Variants in NKAIN2 observed in about 807,000 individuals in gnomAD.
NKAIN2 encodes the protein sodium/potassium transporting ATPase interacting 2.
Under a neutral mutation model 32.6 loss-of-function variants are expected in NKAIN2, and 14 were observed. The ratio of observed to expected loss-of-function variants is 0.43; its 90% CI spans 0.28 to 0.67. The LOEUF is 0.67. NKAIN2 is among the 30% of genes least tolerant of loss of function. NKAIN2 has a pLI of 0.17. For missense variants in NKAIN2, 198 were observed against 258.3 expected (o/e 0.77, Z 1.60); for synonymous variants, 80 against 87.2 (o/e 0.92, Z 0.46).
intron 3 of NKAIN2, among the ~76,000 whole-genome samples, chr6:124,400,802 C>T (rs1773592684): frequency 6.6e-6 from 1 of 152,174 alleles, no homozygotes; most frequent in Non-Finnish European, 1.5e-5. Context: ...AAATGGAAGA[C>T]AGGTGGCATC....
chr6:124,313,790 C>G (rs1201895607), intron 2 of NKAIN2, among the ~76,000 whole-genome samples: 1 of 152,094 alleles, frequency 6.6e-6, no homozygotes, highest in African/African-American at 2.4e-5. Flanking sequence ...TTTCAATAGC[C>G]TCATGATGGC....
Position 124,374,802 on chromosome 6 carries a change from A to G in NKAIN2, c.273+19455A>G, listed in dbSNP as rs556665460. 5.9e-5 allele frequency among the ~76,000 whole-genome samples: 9 copies of G among 152,214 alleles called. No individual in the cohort carries two copies. In the South Asian group the frequency reaches 1.9e-3, roughly 32 times the overall value. On this transcript the variant is annotated intron_variant, in intron 3 of 6. Transcript: ENST00000368417. ...CCAACAGTAAGAGAATAGTTATAAT[A>G]TATCCCTAGGTGGTTTATTTTACGG...
Position 124,057,373 on chromosome 6 carries a change from C to T in NKAIN2, c.55-225632C>T, listed in dbSNP as rs1324330437. On this transcript the variant is annotated intron_variant, in intron 1 of 6. Coordinates refer to ENST00000368417, the MANE Select transcript of NKAIN2 (RefSeq NM_001040214.3). ...ATTGGTTGAATGCACAACTTAAATC[C>T]GCAGCTTCAATTTGATTAAGAATTT... 5.3e-5 allele frequency among the ~76,000 whole-genome samples: 8 copies of T among 152,110 alleles called. No homozygotes were observed. The East Asian group carries it at 9.7e-4, about 18-fold the overall frequency.
chr6:123,871,387 GGA>G (rs1193180702), intron 1 of NKAIN2, among the ~76,000 whole-genome samples: 2 of 152,034 alleles, frequency 1.3e-5, no homozygotes, highest in Non-Finnish European at 1.5e-5. Context: ...GCTGCTTCTT[GGA>G]GATGCCTTGC....
intron 1 of NKAIN2, among the ~76,000 whole-genome samples, chr6:124,215,559 A>G (rs1193211335): frequency 1.3e-5 from 2 of 152,190 alleles, no homozygotes; most frequent in East Asian, 3.8e-4. Flanking sequence ...ATGTGACTGG[A>G]ATAGCATTTG....
chr6:124,294,828 C>T (rs1795979831), intron 2 of NKAIN2, among the ~76,000 whole-genome samples: 2 of 152,128 alleles, frequency 1.3e-5, no homozygotes, highest in South Asian at 4.1e-4. Flanking sequence ...ATGTTATCTA[C>T]ACCCCACAGC....
chr6:124,538,159 C>A (rs1254796937), intron 3 of NKAIN2, among the ~76,000 whole-genome samples: 1 of 151,534 alleles, frequency 6.6e-6, no homozygotes, highest in Non-Finnish European at 1.5e-5. Flanking sequence ...TTTGTATGTT[C>A]CTTCTTTTTG....
intron 2 of NKAIN2, among the ~76,000 whole-genome samples, chr6:124,351,374 G>A (rs79695844): frequency 0.064 from 9,753 of 151,872 alleles, 322 homozygotes; most frequent in Admixed American, 0.074. Flanking sequence ...GCATGGTGAT[G>A]CATGCCTGTA....
chr6:123,866,343 CCTT>C (rs1772510982), intron 1 of NKAIN2, among the ~76,000 whole-genome samples: 1 of 152,202 alleles, frequency 6.6e-6, no homozygotes, highest in African/African-American at 2.4e-5. Context: ...AAGTCCCACA[CCTT>C]CTTCAACCTA....
At chr6:124,129,680 C>T (rs903668985) in intron 1 of NKAIN2, among the ~76,000 whole-genome samples, 5 of 152,072 alleles carry the variant, frequency 3.3e-5, no homozygotes, top group Admixed American at 2.6e-4. Flanking sequence ...TGCAATGGCG[C>T]AATCTCAGTT....
At chr6:124,536,521 C>CTTCCCTTGCCTGAATTACTTAAGTAA (rs931305567) in intron 3 of NKAIN2, among the ~76,000 whole-genome samples, 10 of 152,248 alleles carry the variant, frequency 6.6e-5, no homozygotes, top group South Asian at 6.2e-4. Context: ...GGGCAATCCC[C>CTTCCCTTGCCTGAATTACTTAAGTAA]TTCCCTTGCC....
At chr6:124,343,528 T>C (rs539296405) in intron 2 of NKAIN2, among the ~76,000 whole-genome samples, 41 of 152,176 alleles carry the variant, frequency 2.7e-4, no homozygotes, top group African/African-American at 8.4e-4. Flanking sequence ...CCATTCTAAC[T>C]GGTGTGAGAT....
intron 1 of NKAIN2, among the ~76,000 whole-genome samples, chr6:124,149,278 C>T (rs912953270): frequency 6.6e-6 from 1 of 152,124 alleles, no homozygotes; most frequent in Non-Finnish European, 1.5e-5. Flanking sequence ...CTTGATGGTA[C>T]CAATTGCAGC....
At chr6:124,209,596 C>T (rs1791068471) in intron 1 of NKAIN2, among the ~76,000 whole-genome samples, 2 of 151,850 alleles carry the variant, frequency 1.3e-5, no homozygotes. Flanking sequence ...GTTACCCTTT[C>T]TCCACATCCT....
chr6:124,125,965 C>T (rs1224599472), intron 1 of NKAIN2, among the ~76,000 whole-genome samples: 4 of 152,086 alleles, frequency 2.6e-5, no homozygotes, highest in Admixed American at 6.6e-5. Context: ...GCTCTTGGCT[C>T]ATCATCACCC....
intron 1 of NKAIN2, among the ~76,000 whole-genome samples, chr6:123,974,744 C>T (rs557580949): frequency 6.6e-6 from 1 of 152,270 alleles, no homozygotes; most frequent in East Asian, 1.9e-4. Context: ...CGGGGACCCT[C>T]AAAAGGGAAT....
intron 1 of NKAIN2, among the ~76,000 whole-genome samples, chr6:124,239,176 A>C (rs1792941050): frequency 6.6e-6 from 1 of 152,212 alleles, no homozygotes; most frequent in South Asian, 2.1e-4. Context: ...ATAATGATAA[A>C]GTATCAATGC....
intron 5 of NKAIN2, among the ~76,000 whole-genome samples, chr6:124,791,724 C>T (rs1234692945): frequency 1.3e-5 from 2 of 152,030 alleles, no homozygotes; most frequent in Non-Finnish European, 2.9e-5. Flanking sequence ...CTAACTTGAC[C>T]ATTCTCTTTT....
chr6:124,225,510 A>G (rs2114712518), intron 1 of NKAIN2, among the ~76,000 whole-genome samples: 1 of 152,016 alleles, frequency 6.6e-6, no homozygotes, highest in East Asian at 1.9e-4. Flanking sequence ...AGAATTGGTA[A>G]CTCCAGTCTG....
Sources: allele counts gnomAD v4.1 joint callset (sites outside exome capture counted in the v4.1 genomes callset), GRCh38; gene constraint gnomAD v4.1.1; transcripts MANE v1.5; gene names NCBI Gene and HGNC (gene_info 2026-07-23, HGNC 2026-07-21).